SLC4A4: variants seen among roughly 807,000 people sequenced by gnomAD.
The protein encoded by SLC4A4 is electrogenic sodium bicarbonate cotransporter 1.
Under a neutral mutation model 111.5 loss-of-function variants are expected in SLC4A4, and 27 were observed. That is an observed-to-expected ratio of 0.24 (90% CI 0.18 to 0.33). SLC4A4 has a LOEUF of 0.33. Ranked by LOEUF, SLC4A4 falls within the 10% of genes least tolerant of loss-of-function variation. SLC4A4 has a pLI of 1.00. For synonymous variants in SLC4A4, 443 were observed against 463.4 expected (o/e 0.96, Z 0.57); for missense variants, 909 against 1,315.5 (o/e 0.69, Z 4.78).
intron 14 of SLC4A4, among the ~76,000 whole-genome samples, chr4:71,477,183 G>C (rs766961431): frequency 6.6e-6 from 1 of 151,684 alleles, no homozygotes; most frequent in African/African-American, 2.4e-5. Context: ...CTCTTTGTTT[G>C]ATAAACTCTG....
intron 2 of SLC4A4, among the ~76,000 whole-genome samples, chr4:71,114,505 C>T (rs1743193816): frequency 6.7e-6 from 1 of 149,410 alleles, no homozygotes; most frequent in Admixed American, 6.6e-5. Flanking sequence ...AACAAACAAC[C>T]CCATCAAAAA....
At chr4:71,136,748 A>T (rs752024014) in intron 2 of SLC4A4, among the ~76,000 whole-genome samples, 1 of 152,216 alleles carries the variant, frequency 6.6e-6, no homozygotes, top group Non-Finnish European at 1.5e-5. Flanking sequence ...AAGGAGTGTT[A>T]GGTGGGCTAA....
intron 16 of SLC4A4, among the ~76,000 whole-genome samples, chr4:71,522,262 T>C (rs1733010126): frequency 6.6e-6 from 1 of 152,216 alleles, no homozygotes; most frequent in African/African-American, 2.4e-5. Context: ...GCATCAAGAC[T>C]TCCATTAGGA....
chr4:71,514,860 CT>C (rs1194726582), intron 16 of SLC4A4, among the ~76,000 whole-genome samples: 1 of 151,954 alleles, frequency 6.6e-6, no homozygotes, highest in Non-Finnish European at 1.5e-5. Context: ...TCTGATTTTA[CT>C]TGGATGTCTT....
At chr4:71,460,876 T>G (rs959124671) in intron 12 of SLC4A4, among the ~76,000 whole-genome samples, 3 of 152,186 alleles carry the variant, frequency 2.0e-5, no homozygotes, top group Admixed American at 2.0e-4. Flanking sequence ...ATCAGTATTT[T>G]TTTTATTAAA....
chr4:71,249,883 C>G (rs78055253), intron 2 of SLC4A4, among the ~76,000 whole-genome samples: 1 of 143,684 alleles, frequency 7.0e-6, no homozygotes, highest in African/African-American at 2.6e-5. Context: ...GACTCTGTCT[C>G]AAAAAAAAAA....
At chr4:71,507,371 A>G (rs1731511897) in intron 16 of SLC4A4, among the ~76,000 whole-genome samples, 1 of 152,226 alleles carries the variant, frequency 6.6e-6, no homozygotes, top group Admixed American at 6.5e-5. Flanking sequence ...AAAGACACAC[A>G]TAGGCTTAAA....
chr4:71,561,595 A>G (rs1012457807), intron 23 of SLC4A4, among the ~76,000 whole-genome samples: 1 of 151,836 alleles, frequency 6.6e-6, no homozygotes, highest in African/African-American at 2.4e-5. Flanking sequence ...ACATTTAGCT[A>G]AAGAGAAAAA....
At chr4:71,127,936 A>C (rs1743602271) in intron 2 of SLC4A4, among the ~76,000 whole-genome samples, 1 of 152,194 alleles carries the variant, frequency 6.6e-6, no homozygotes, top group Admixed American at 6.5e-5. Context: ...CAGCCTGGGC[A>C]ACGTGATGAA....
intron 1 of SLC4A4, among the ~76,000 whole-genome samples, chr4:71,202,511 A>G (rs1746303706): frequency 6.6e-6 from 1 of 152,190 alleles, no homozygotes; most frequent in Admixed American, 6.5e-5. Flanking sequence ...ATGCCACAAA[A>G]CACTCTTTTA....
chr4:71,477,954 C>A (rs1401547341), intron 14 of SLC4A4, among the ~76,000 whole-genome samples: 1 of 151,760 alleles, frequency 6.6e-6, no homozygotes, highest in Non-Finnish European at 1.5e-5. Flanking sequence ...AAAAAGTAGG[C>A]AAAGGATATG....
At chr4:71,483,681 A>G (rs556052843) in intron 14 of SLC4A4, among the ~76,000 whole-genome samples, 1 of 152,066 alleles carries the variant, frequency 6.6e-6, no homozygotes, top group East Asian at 1.9e-4. Flanking sequence ...TCCATTGGGT[A>G]TATACCCAGT....
intron 8 of SLC4A4, among the ~76,000 whole-genome samples, chr4:71,446,925 G>A (rs2149069756): frequency 6.6e-6 from 1 of 152,358 alleles, no homozygotes; most frequent in Admixed American, 6.5e-5. Flanking sequence ...CTTGGTTAGA[G>A]GTGAACCTAA....
intron 5 of SLC4A4, among the ~76,000 whole-genome samples, chr4:71,352,536 T>C (rs537717806): frequency 7.2e-5 from 11 of 152,302 alleles, no homozygotes; most frequent in Admixed American, 1.3e-4. Context: ...GAAGGAATGC[T>C]GGATTTAATG....
chr4:71,530,431 A>G (rs1004967493), intron 16 of SLC4A4, among the ~76,000 whole-genome samples: 2 of 152,114 alleles, frequency 1.3e-5, no homozygotes, highest in African/African-American at 4.8e-5. Context: ...ACAAATAGGA[A>G]ATAATGGTGC....
chr4:71,139,623 G>A (rs1376688769), intron 2 of SLC4A4, among the ~76,000 whole-genome samples: 1 of 152,106 alleles, frequency 6.6e-6, no homozygotes, highest in East Asian at 1.9e-4. Context: ...CTGTACCTGT[G>A]GGCATTTTCT....
At chr4:71,551,495 G>T (rs1448387899) in intron 20 of SLC4A4, among the ~76,000 whole-genome samples, 9 of 151,714 alleles carry the variant, frequency 5.9e-5, no homozygotes, top group Non-Finnish European at 8.8e-5. Flanking sequence ...TTAAAATTTA[G>T]TCCTTCAATG....
intron 3 of SLC4A4, among the ~76,000 whole-genome samples, chr4:71,324,021 G>T (rs1727317602): frequency 6.6e-6 from 1 of 151,980 alleles, no homozygotes; most frequent in Admixed American, 6.6e-5. Context: ...GGCATCAACA[G>T]AGGGCTGTAG....
chr4:71,402,218 A>C (rs952104232), intron 7 of SLC4A4, among the ~76,000 whole-genome samples: 1 of 152,162 alleles, frequency 6.6e-6, no homozygotes, highest in African/African-American at 2.4e-5. Flanking sequence ...AACTATCTTA[A>C]AATGAAATCT....
Sources: allele counts gnomAD v4.1 joint callset (sites outside exome capture counted in the v4.1 genomes callset), GRCh38; gene constraint gnomAD v4.1.1; transcripts MANE v1.5; gene names NCBI Gene and HGNC (gene_info 2026-07-23, HGNC 2026-07-21).